The following INO80 variants were observed in gnomAD, a reference collection of about 807,000 sequenced individuals.
The protein encoded by INO80 is chromatin-remodeling ATPase INO80.
In INO80, 20 loss-of-function variants were observed where a neutral mutation model predicts 203.4. The observed-to-expected ratio is 0.10, with a 90% CI of 0.07 to 0.14. The LOEUF is 0.14. INO80 is among the 10% of genes least tolerant of loss of function. The pLI, the probability that INO80 is intolerant of heterozygous loss-of-function variation, is 1.00. For missense variants in INO80, 1,419 were observed against 1,914.4 expected (o/e 0.74, Z 4.83); for synonymous variants, 726 against 685.2 (o/e 1.06, Z -0.93).
At chr15:40,998,768 C>T (rs2140428978) in intron 28 of INO80, among the ~76,000 whole-genome samples, 1 of 152,232 alleles carries the variant, frequency 6.6e-6, no homozygotes, top group South Asian at 2.1e-4. Context: ...GTTCTCCTGC[C>T]TCAGCCTCCC....
chr15:40,980,010 G>A lies in INO80; in HGVS notation c.*213C>T, dbSNP rs536972433. ...ATGCAGTGGGGCTGATCCATGCCCT[G>A]TGGCCTTCCTCCTACAGGCACCCCA... On this transcript the variant is annotated 3_prime_UTR_variant, in exon 36 of 36. Transcript: ENST00000648947. 44 of 586,154 alleles carry A rather than the reference G, an allele frequency of 7.5e-5. 1 individual carries two copies. Among genetic ancestry groups the A allele is most frequent in the African/African-American group, 7.3e-4 (39 of 53,634 alleles). 36.3% of individuals were successfully genotyped at this position (586,154 alleles called of 1,614,324 possible).
chr15:41,068,825 A>G (rs1180616183), intron 14 of INO80, among the ~76,000 whole-genome samples: 3 of 152,176 alleles, frequency 2.0e-5, no homozygotes, highest in Non-Finnish European at 4.4e-5. Flanking sequence ...GTGCCACTGC[A>G]CTCTAGCCTC....
chr15:41,008,327 A>G (rs540147841), intron 27 of INO80, among the ~76,000 whole-genome samples: 1 of 152,326 alleles, frequency 6.6e-6, no homozygotes, highest in African/African-American at 2.4e-5. Context: ...AATATGCCAG[A>G]CATGGAAAGA....
chr15:41,068,350 T>C (rs915440636), intron 14 of INO80, among the ~76,000 whole-genome samples: 13 of 151,740 alleles, frequency 8.6e-5, no homozygotes, highest in Non-Finnish European at 1.3e-4. Context: ...AGGTCGGGAG[T>C]TCGAGACCAG....
intron 29 of INO80, among the ~76,000 whole-genome samples, chr15:40,993,733 T>G (rs1239869589): frequency 6.6e-6 from 1 of 151,828 alleles, no homozygotes; most frequent in African/African-American, 2.4e-5. Flanking sequence ...CACTCCAGCC[T>G]GAATGACAGA....
In INO80 at chr15:40,987,016, C is replaced by T; in HGVS notation, c.3832+75G>A. On this transcript the variant is annotated intron_variant, in intron 31 of 35. Transcript: ENST00000648947. ...TAAATACAGCCTCTGGCTTTGCCTA[C>T]CCTTGGCACACAGCCAAGTACCTCT... The T allele has an allele frequency of 1.2e-5, 10 of 820,080 alleles. No individual in the cohort carries two copies. The South Asian group carries it at 1.5e-4, about 13-fold the overall frequency. The allele number at this position is 820,080 out of a possible 1,614,324, so 50.8% of individuals were successfully genotyped here.
At position 40,987,834 on chromosome 15, in the gene INO80, T is replaced by C; in HGVS notation, c.3711A>G (p.Arg1237=). The C allele has an allele frequency of 6.2e-7, 1 of 1,614,148 alleles. No individual in the cohort carries two copies. Residue 1237 remains arginine, a synonymous_variant, in exon 30 of 36, where the codon AGA becomes AGG. Transcript: ENST00000648947. The part of the protein sequence containing the change: ...KGTIEERILQ[R]AKEKSEIQRM... ...TGCTTACCTCACTCTTCTCCTTGGC[T>C]CTTTGCAGAATGCGTTCTTCAATGG...
chr15:41,067,169 C>CG (rs2045235428), intron 14 of INO80, among the ~76,000 whole-genome samples: 2 of 151,990 alleles, frequency 1.3e-5, no homozygotes, highest in African/African-American at 2.4e-5. Context: ...CTCTGCCCCC[C>CG]GGGTTCAAGC....
chr15:40,983,070 G>C lies in INO80; in HGVS notation c.4245C>G (p.Ser1415=). 1 of 1,612,716 alleles carries C rather than the reference G, an allele frequency of 6.2e-7. No homozygotes were observed. Reference sequence around the variant, plus strand: ...GTCCTGCAGCTGGCATTTCCTGAATGGAAATTCCTGTGGGAACAAATGGGC... The same window carrying C: ...GTCCTGCAGCTGGCATTTCCTGAATCGAAATTCCTGTGGGAACAAATGGGC... The part of the protein sequence containing the change: ...GSVSDTVNGI[S]IQEMPAAGRG... The change falls in exon 35 of 36, where the codon TCC becomes TCG. Residue 1415 remains serine (S), a synonymous_variant. Transcript: ENST00000648947.
At chr15:41,090,617 G>A (rs1194035123) in intron 5 of INO80, among the ~76,000 whole-genome samples, 3 of 152,070 alleles carry the variant, frequency 2.0e-5, no homozygotes, top group African/African-American at 4.8e-5. Context: ...TGGTTGTCTG[G>A]ACTGAGGGAC....
At chr15:40,991,992 G>C (rs1296416163) in intron 29 of INO80, among the ~76,000 whole-genome samples, 3 of 152,152 alleles carry the variant, frequency 2.0e-5, no homozygotes, top group Admixed American at 1.3e-4. Context: ...TAGCCAGGAT[G>C]GTCTCGATCT....
intron 29 of INO80, among the ~76,000 whole-genome samples, chr15:40,996,300 T>G (rs1161118953): frequency 1.3e-5 from 2 of 152,186 alleles, no homozygotes; most frequent in South Asian, 4.1e-4. Context: ...ATTTGAATCT[T>G]AGCAATAATT....
intron 29 of INO80, 41 bp downstream of exon 29, chr15:40,997,488 G>C: frequency 7.6e-7 from 1 of 1,317,728 alleles, no homozygotes; most frequent in Non-Finnish European, 1.1e-6. Flanking sequence ...TTTCATAGTA[G>C]AAAACCTGCA....
chr15:41,069,557 G>A lies in INO80; in HGVS notation c.1782+13C>T, dbSNP rs1325158978. The A allele has an allele frequency of 4.2e-6, 6 of 1,439,846 alleles. No individual in the cohort carries two copies. The highest frequency in any genetic ancestry group is 5.8e-6 in the Non-Finnish European group (6 of 1,028,990). 89.2% of individuals were successfully genotyped at this position (1,439,846 alleles called of 1,614,324 possible). A position where few individuals can be genotyped will look rare whatever the true frequency, so the allele number is the denominator to read the frequency against. The stretch of plus-strand genomic sequence containing the variant: ...TAAAGAGCAATAGATGTTTTGGTTG[G>A]ACTGATATTTACCTTAAATTTAGGA... On this transcript the variant is annotated intron_variant, in intron 14 of 35. Transcript: ENST00000648947.
intron 24 of INO80, among the ~76,000 whole-genome samples, chr15:41,032,991 C>A (rs2044513852): frequency 6.6e-6 from 1 of 152,032 alleles, no homozygotes; most frequent in Non-Finnish European, 1.5e-5. Context: ...TGAGCCAAGA[C>A]CACACCATTG....
intron 35 of INO80, 97 bp downstream of exon 35, chr15:40,982,765 C>T (rs1893877492): frequency 3.9e-6 from 4 of 1,013,098 alleles, no homozygotes; most frequent in East Asian, 2.4e-5. Flanking sequence ...AAGAAAGCTC[C>T]CGGCTTCAGG....
At chr15:41,075,917 C>CT (rs1441068418) in intron 9 of INO80, among the ~76,000 whole-genome samples, 1 of 152,134 alleles carries the variant, frequency 6.6e-6, no homozygotes, top group Non-Finnish European at 1.5e-5. Context: ...CCCTAAAACT[C>CT]TTACCACCAA....
At chr15:41,001,572 T>C (rs2043958987) in intron 28 of INO80, among the ~76,000 whole-genome samples, 2 of 152,202 alleles carry the variant, frequency 1.3e-5, no homozygotes, top group Non-Finnish European at 2.9e-5. Flanking sequence ...AGGATCCATT[T>C]GGTAAAGGTC....
chr15:41,045,036 C>G lies in INO80; in HGVS notation c.2775G>C (p.Arg925Ser). 1 of 1,611,516 alleles carries G rather than the reference C, an allele frequency of 6.2e-7. No homozygotes were observed. Among genetic ancestry groups the G allele is most frequent in the South Asian group, 1.1e-5 (1 of 90,544 alleles). Reference protein sequence around the residue: ...ALFLSLKASYRLHQLRSWGAP... With the variant: ...ALFLSLKASYSLHQLRSWGAP... ...CTCCCCAGGAGCGTAGCTGATGGAG[C>G]CTGTAGGAGGCTTTCAGAGACAGGA... Residue 925 changes from arginine to serine, a missense_variant, in exon 24 of 36, where the codon AGG becomes AGC. This residue lies in a region of INO80 where 302 missense variants were observed against 345.4 expected (regional missense o/e 0.87). Coordinates refer to ENST00000648947, the MANE Select transcript of INO80 (RefSeq NM_017553.3).
Sources: allele counts gnomAD v4.1 joint callset (sites outside exome capture counted in the v4.1 genomes callset), GRCh38; gene constraint gnomAD v4.1.1; regional missense constraint gnomAD v4.1.1; transcripts MANE v1.5; gene names NCBI Gene and HGNC (gene_info 2026-07-23, HGNC 2026-07-21).